Variants in ACER3 observed in about 807,000 individuals in gnomAD.
The protein encoded by ACER3 is alkCDase 3.
A neutral mutation model predicts 48.9 loss-of-function variants in ACER3; 16 were observed. The observed-to-expected ratio is 0.33, with a 90% CI of 0.22 to 0.50. ACER3 has a LOEUF of 0.50. Ranked by LOEUF, ACER3 falls within the 20% of genes least tolerant of loss-of-function variation. The probability of loss-of-function intolerance (pLI) is 0.98; values close to 1 mark genes in which losing one functional copy is unlikely to be tolerated. For missense variants in ACER3, 227 were observed against 326.0 expected, an observed-to-expected ratio of 0.70 and a Z score of 2.34; for synonymous variants, 109 against 107.8, an observed-to-expected ratio of 1.01 and a Z score of -0.07.
chr11:76,907,883 T>C (rs1946274594), intron 1 of ACER3, among the ~76,000 whole-genome samples: 1 of 149,924 alleles, frequency 6.7e-6, no homozygotes, highest in South Asian at 2.1e-4. Context: ...AAAATAAAAA[T>C]AAAAATAAGC....
At chr11:77,019,614 C>A in intron 9 of ACER3, 117 bp from the exon 10 acceptor site, 3 of 893,676 alleles carry the variant, frequency 3.4e-6, no homozygotes, top group South Asian at 2.9e-5. Context: ...GAAGCATATA[C>A]TCATGTTGTT....
intron 3 of ACER3, among the ~76,000 whole-genome samples, chr11:76,971,881 G>A (rs7936960): frequency 0.13 from 19,156 of 151,848 alleles, 4,111 homozygotes; most frequent in African/African-American, 0.44. Context: ...CAGATTCTCA[G>A]TTAATCTTTC....
intron 2 of ACER3, among the ~76,000 whole-genome samples, chr11:76,934,834 G>A (rs1372792998): frequency 6.6e-6 from 1 of 152,106 alleles, no homozygotes; most frequent in African/African-American, 2.4e-5. Flanking sequence ...CTATAAAATA[G>A]ACCCCCCAAC....
intron 7 of ACER3, among the ~76,000 whole-genome samples, chr11:77,009,997 T>C (rs1565226685): frequency 6.6e-6 from 1 of 151,992 alleles, no homozygotes; most frequent in Non-Finnish European, 1.5e-5. Flanking sequence ...GCCAGGACCA[T>C]TAAAGAGGTA....
intron 4 of ACER3, among the ~76,000 whole-genome samples, chr11:76,981,593 T>C (rs1156738126): frequency 6.6e-6 from 1 of 152,246 alleles, no homozygotes; most frequent in East Asian, 1.9e-4. Flanking sequence ...TCTATAATTA[T>C]AGATTAGTTT....
intron 3 of ACER3, 191 bp downstream of exon 3, chr11:76,959,222 G>C: frequency 6.8e-7 from 1 of 1,464,164 alleles, no homozygotes; most frequent in Non-Finnish European, 9.0e-7. Context: ...AGGAAAACAA[G>C]TACAAATAGT....
chr11:76,915,232 G>A lies in ACER3; in HGVS notation c.104-11325G>A, dbSNP rs1424709493. Among the ~76,000 whole-genome samples the A allele has an allele frequency of 3.3e-5, 5 of 151,606 alleles. No individual in the cohort carries two copies. The East Asian group carries it at 9.7e-4, about 29-fold the overall frequency. On this transcript the variant is annotated intron_variant, in intron 1 of 10. Coordinates refer to ENST00000532485, the MANE Select transcript of ACER3 (RefSeq NM_018367.7). Reference sequence around the variant, plus strand: ...ATAAATAAGTTAAAAAAAAAAGACAGCAAAAGAAGACAGAAAAAAAAGGCC... The same window carrying A: ...ATAAATAAGTTAAAAAAAAAAGACAACAAAAGAAGACAGAAAAAAAAGGCC...
At chr11:76,866,444 T>C (rs1406071952) in intron 1 of ACER3, among the ~76,000 whole-genome samples, 1 of 152,216 alleles carries the variant, frequency 6.6e-6, no homozygotes, top group Non-Finnish European at 1.5e-5. Flanking sequence ...AGAAGTGACC[T>C]GGTTGGTCAC....
chr11:76,958,187 T>A (rs1035895650), intron 2 of ACER3, among the ~76,000 whole-genome samples: 4 of 149,696 alleles, frequency 2.7e-5, no homozygotes, highest in Middle Eastern at 3.4e-3. Context: ...TAGCAACTTT[T>A]TTTTTTTTTT....
intron 8 of ACER3, among the ~76,000 whole-genome samples, chr11:77,016,022 G>A (rs919597074): frequency 1.2e-4 from 18 of 151,084 alleles, no homozygotes; most frequent in African/African-American, 3.9e-4. Context: ...CAGGAGAATC[G>A]CTTGAACTGG....
chr11:76,969,225 C>T (rs987690564), intron 3 of ACER3, among the ~76,000 whole-genome samples: 4 of 152,264 alleles, frequency 2.6e-5, no homozygotes, highest in African/African-American at 9.6e-5. Context: ...CAGAGAAATG[C>T]AATTCAAAAC....
At chr11:77,014,709 A>G (rs528249840) in intron 7 of ACER3, among the ~76,000 whole-genome samples, 2 of 152,366 alleles carry the variant, frequency 1.3e-5, no homozygotes, top group African/African-American at 4.8e-5. Context: ...AAAATTTGAT[A>G]GGTCTGCTTT....
At chr11:76,937,646 A>C (rs1947226123) in intron 2 of ACER3, among the ~76,000 whole-genome samples, 1 of 152,228 alleles carries the variant, frequency 6.6e-6, no homozygotes, top group African/African-American at 2.4e-5. Flanking sequence ...TATACACATT[A>C]CTTATTTTTT....
intron 1 of ACER3, among the ~76,000 whole-genome samples, chr11:76,865,532 G>A (rs535753774): frequency 1.3e-5 from 2 of 148,186 alleles, no homozygotes; most frequent in African/African-American, 2.5e-5. Flanking sequence ...TTTTCCAGAC[G>A]GAATCTCGCT....
chr11:76,862,026 CA>C (rs780335828), intron 1 of ACER3, among the ~76,000 whole-genome samples: 50 of 152,324 alleles, frequency 3.3e-4, no homozygotes, highest in Non-Finnish European at 3.4e-4. Flanking sequence ...ATCATTTAAT[CA>C]GGTTTTGAGA....
chr11:77,018,356 T>C (rs1387551128), intron 9 of ACER3, among the ~76,000 whole-genome samples: 1 of 151,910 alleles, frequency 6.6e-6, no homozygotes, highest in Non-Finnish European at 1.5e-5. Context: ...CAATTGGCCA[T>C]TCCCCAGTCT....
chr11:77,023,098 A>G lies in ACER3; in HGVS notation c.*2771A>G. 2.5e-6 allele frequency: 1 copy of G among 398,606 alleles called. No individual in the cohort carries two copies. The highest frequency in any genetic ancestry group is 4.4e-6 in the Non-Finnish European group (1 of 226,046). The allele number at this position is 398,606 out of a possible 1,614,324, so 24.7% of individuals were successfully genotyped here. On this transcript the variant is annotated 3_prime_UTR_variant, in exon 11 of 11. Transcript: ENST00000532485. Reference sequence around the variant, plus strand: ...CTACTCCCCACCATGGTGTTTCATGAAACATCCCCACCACCTGAAGTGATC... The same window carrying G: ...CTACTCCCCACCATGGTGTTTCATGGAACATCCCCACCACCTGAAGTGATC...
Position 76,961,638 on chromosome 11 carries a change from A to G in ACER3, c.267+2607A>G, listed in dbSNP as rs1018358646. On this transcript the variant is annotated intron_variant, in intron 3 of 10. Coordinates refer to ENST00000532485, the MANE Select transcript of ACER3 (RefSeq NM_018367.7). The stretch of plus-strand genomic sequence containing the variant: ...CTCAAAAAATTATGGGAATATGTCA[A>G]AAGGACACTGAAGCCAACTTGAAGA... 1.5e-4 allele frequency among the ~76,000 whole-genome samples: 22 copies of G among 151,674 alleles called. No homozygotes were observed. The East Asian group carries it at 4.2e-3, about 29-fold the overall frequency.
intron 6 of ACER3, among the ~76,000 whole-genome samples, chr11:76,996,889 C>G (rs1158862521): frequency 6.6e-6 from 1 of 151,324 alleles, no homozygotes; most frequent in Non-Finnish European, 1.5e-5. Flanking sequence ...CCACACCTGG[C>G]TAATTTTTGC....
Sources: allele counts gnomAD v4.1 joint callset (sites outside exome capture counted in the v4.1 genomes callset), GRCh38; gene constraint gnomAD v4.1.1; transcripts MANE v1.5; gene names NCBI Gene and HGNC (gene_info 2026-07-23, HGNC 2026-07-21).